The following UNC45B variants were observed in gnomAD, a reference collection of about 807,000 sequenced individuals.
UNC45B encodes protein unc-45 homolog B.
Under a neutral mutation model 98.7 loss-of-function variants are expected in UNC45B, and 78 were observed. The observed-to-expected ratio is 0.79, with a 90% CI of 0.66 to 0.95. The LOEUF is 0.95. Among genes scored for constraint, UNC45B ranks in the 40% least tolerant of loss-of-function variants. The pLI, the probability that UNC45B is intolerant of heterozygous loss-of-function variation, is 0.00. For synonymous variants in UNC45B, 462 were observed against 480.4 expected (o/e 0.96, Z 0.50); for missense variants, 1,225 against 1,184.9 (o/e 1.03, Z -0.50).
intron 9 of UNC45B, among the ~76,000 whole-genome samples, chr17:35,167,235 GTCAGCTGACAGCTC>G (rs1236162197): frequency 1.3e-5 from 2 of 152,212 alleles, no homozygotes; most frequent in Non-Finnish European, 2.9e-5. Flanking sequence ...TGGAAAGGCT[GTCAGCTGACAGCTC>G]TCAGCTGTTA....
chr17:35,177,250 G>A, intron 16 of UNC45B, 120 bp downstream of exon 16: 3 of 963,422 alleles, frequency 3.1e-6, no homozygotes, highest in South Asian at 3.3e-5. Flanking sequence ...CACACGGAGG[G>A]TGATGCATGG....
At chr17:35,176,935 A>T in intron 15 of UNC45B, 82 bp from the exon 16 acceptor site, 1 of 1,109,678 alleles carries the variant, frequency 9.0e-7, no homozygotes, top group Admixed American at 2.0e-5. Flanking sequence ...CATGGGACAG[A>T]CAGACAGCAC....
chr17:35,149,902 A>G, intron 3 of UNC45B, 146 bp from the exon 4 acceptor site: 1 of 777,848 alleles, frequency 1.3e-6, no homozygotes, highest in Non-Finnish European at 1.9e-6. Context: ...AAGGGGAGGT[A>G]AGGGCCAGAG....
rs114675635 is a variant in UNC45B at position 35,159,289 on chromosome 17, A to G, written c.809-86A>G. ...AGGAAGTAGTGGATTCAGTACTTCC[A>G]GAGTCTAGAAGCTGCTGCTCTTCTT... is the stretch of plus-strand genomic sequence containing the variant. On this transcript the variant is annotated intron_variant, in intron 7 of 19. Transcript: ENST00000394570. 1.2e-3 allele frequency: 1,541 copies of G among 1,264,050 alleles called. 11 individuals are homozygous for G. The African/African-American group carries it at 0.02, about 16-fold the overall frequency. 78.3% of individuals were successfully genotyped at this position (1,264,050 alleles called of 1,614,324 possible).
intron 9 of UNC45B, chr17:35,164,481 C>G (rs1157260248): frequency 4.7e-6 from 1 of 215,038 alleles, no homozygotes; most frequent in East Asian, 1.2e-4. Flanking sequence ...CCCTGCAGAC[C>G]TCTCTGCAGC....
chr17:35,183,634 C>T, intron 19 of UNC45B, 52 bp downstream of exon 19: 1 of 1,446,290 alleles, frequency 6.9e-7, no homozygotes, highest in Non-Finnish European at 9.1e-7. Context: ...AGGGAATCTC[C>T]CCACCCACAG....
rs2092267075 is a variant in UNC45B, at chr17:35,180,626, C to T, written c.2323C>T (p.Leu775=). The change falls in exon 18 of 20, where the codon CTG becomes TTG. Residue 775 remains leucine, a synonymous_variant. Transcript: ENST00000394570. ...ENYMFENHDQ[L]RQAATECMCN... is the part of the protein sequence containing the mutation. ...CTACATGTTTGAGAATCATGATCAG[C>T]TGCGGCAGGCGGCCACCGAGTGCAT... 6.2e-7 allele frequency: 1 copy of T among 1,613,728 alleles called. No homozygotes were observed. The highest frequency in any genetic ancestry group is 1.3e-5 in the African/African-American group (1 of 74,904).
At chr17:35,159,568 G>T in intron 8 of UNC45B, 23 bp downstream of exon 8, 1 of 1,605,974 alleles carries the variant, frequency 6.2e-7, no homozygotes, top group African/African-American at 1.3e-5. Flanking sequence ...GAAGGTTTGG[G>T]GCTTGCTCAA....
intron 9 of UNC45B, chr17:35,164,410 T>G: frequency 2.8e-6 from 1 of 357,726 alleles, no homozygotes; most frequent in Non-Finnish European, 5.0e-6. Context: ...GCTTCCAAGA[T>G]GGTGGACTCA....
intron 8 of UNC45B, 66 bp from the exon 9 acceptor site, chr17:35,163,929 A>G: frequency 6.8e-6 from 10 of 1,475,792 alleles, no homozygotes; most frequent in Non-Finnish European, 8.2e-6. Flanking sequence ...CAAGTCACTG[A>G]GTGAGGGGTG....
At position 35,159,416 on chromosome 17, in the gene UNC45B, G is replaced by T; in HGVS notation, c.850G>T (p.Asp284Tyr). Residue 284 changes from aspartate to tyrosine, a missense_variant, in exon 8 of 20, where the codon GAC becomes TAC. Coordinates refer to ENST00000394570, the MANE Select transcript of UNC45B (RefSeq NM_001267052.2). The part of the protein sequence containing the change: ...DLKQITSHLL[D>Y]MLVSKKVSGQ... ...GAAGCAGATCACCAGCCACCTGCTG[G>T]ACATGCTAGTCAGCAAGAAGGTGTC... The T allele has an allele frequency of 6.2e-7, 1 of 1,613,998 alleles. No individual in the cohort carries two copies. The highest frequency in any genetic ancestry group is 8.5e-7 in the Non-Finnish European group (1 of 1,179,950).
In UNC45B at chr17:35,177,604, A is replaced by G. The variant is rs1192942894; in HGVS notation, c.2249A>G (p.Lys750Arg). Reference sequence around the variant, plus strand: ...ACCAACCTGTCTGGGCGGAGTGACAAACTCCGGTGAGTGTGGTGAGTGTGG... The same window carrying G: ...ACCAACCTGTCTGGGCGGAGTGACAGACTCCGGTGAGTGTGGTGAGTGTGG... ...GLTNLSGRSD[K>R]LRQKIFKERA... is the part of the protein sequence containing the mutation. Residue 750 changes from lysine (K) to arginine (R), a missense_variant, in exon 17 of 20, where the codon AAA becomes AGA. Transcript: ENST00000394570. The G allele has an allele frequency of 2.6e-6, 4 of 1,551,738 alleles. No individual in the cohort carries two copies. In the African/African-American group the frequency reaches 4.1e-5, roughly 16 times the overall value.
At chr17:35,169,550 T>C (rs1263329832) in intron 10 of UNC45B, among the ~76,000 whole-genome samples, 1 of 152,100 alleles carries the variant, frequency 6.6e-6, no homozygotes, top group East Asian at 1.9e-4. Flanking sequence ...CTTGCTGGTT[T>C]TTCAAAATGG....
chr17:35,171,503 A>G, intron 13 of UNC45B, 41 bp downstream of exon 13: 2 of 1,600,314 alleles, frequency 1.2e-6, no homozygotes, highest in Non-Finnish European at 1.7e-6. Context: ...GGTCTGTGCC[A>G]CTAGGCCTCC....
intron 14 of UNC45B, 144 bp downstream of exon 14, chr17:35,174,513 GGA>G: frequency 1.6e-6 from 2 of 1,248,646 alleles, no homozygotes; most frequent in Non-Finnish European, 2.2e-6. Flanking sequence ...AGGTCTGAGG[GGA>G]TCAGCTTTGA....
At chr17:35,181,568 G>A (rs541586049) in intron 18 of UNC45B, among the ~76,000 whole-genome samples, 36 of 152,214 alleles carry the variant, frequency 2.4e-4, no homozygotes, top group Non-Finnish European at 3.7e-4. Context: ...AGGTGGATGC[G>A]TCACTTGAAG....
Position 35,186,356 on chromosome 17 carries a change from C to T in UNC45B, c.2587C>T (p.Gln863Ter). The change falls in exon 20 of 20, where the codon CAA (glutamine) becomes TAA (stop). Residue 863 changes from glutamine (Q) to a stop codon, truncating the protein, a stop_gained. Transcript: ENST00000394570. LOFTEE classifies it high-confidence loss of function. The part of the protein sequence containing the change: ...RLCLHDQLSV[Q>*]HRGLVIAYNL... ...TTGCCTGCACGACCAGCTGTCTGTC[C>T]AACACCGGGGCCTGGTCATTGCCTA... 6.2e-7 allele frequency: 1 copy of T among 1,614,216 alleles called. No homozygotes were observed.
chr17:35,164,433 A>T (rs8067314), intron 9 of UNC45B: 2 of 289,918 alleles, frequency 6.9e-6, no homozygotes, highest in Non-Finnish European at 6.4e-6. Context: ...CAGCTGGCAC[A>T]CTGGTGCTGG....
rs554125623 is a variant in UNC45B, at chr17:35,155,283, G to A, written c.640-13G>A. The A allele has an allele frequency of 1.2e-6, 2 of 1,612,440 alleles. No homozygotes were observed. Among genetic ancestry groups the A allele is most frequent in the African/African-American group, 2.7e-5 (2 of 75,034 alleles). ...GGCAAGGCAGCTGACCATGGTTCTTGCTGGGGTTCTAGGCCACAGTGATTC... is the reference window on the plus strand; with the variant it reads ...GGCAAGGCAGCTGACCATGGTTCTTACTGGGGTTCTAGGCCACAGTGATTC... On this transcript the variant is annotated splice_polypyrimidine_tract_variant and intron_variant, in intron 6 of 19. Transcript: ENST00000394570.
Sources: allele counts gnomAD v4.1 joint callset (sites outside exome capture counted in the v4.1 genomes callset), GRCh38; gene constraint gnomAD v4.1.1; transcripts MANE v1.5; gene names NCBI Gene and HGNC (gene_info 2026-07-23, HGNC 2026-07-21).